Variants in SCFD2 observed in about 807,000 individuals in gnomAD.
SCFD2 encodes the protein sec1 family domain-containing protein 2.
In SCFD2, 54 loss-of-function variants were observed where a neutral mutation model predicts 58.9. The ratio of observed to expected loss-of-function variants is 0.92; its 90% CI spans 0.74 to 1.15. The LOEUF (loss-of-function observed/expected upper bound fraction) is 1.15. SCFD2 is among the 50% of genes most tolerant of loss of function. SCFD2 has a pLI of 0.00. For synonymous variants in SCFD2, 321 were observed against 335.9 expected, an observed-to-expected ratio of 0.96 and a Z score of 0.49; for missense variants, 805 against 836.6, an observed-to-expected ratio of 0.96 and a Z score of 0.47.
rs141559536 is a variant in SCFD2, at chr4:53,358,522, C to G, written c.839-5756G>C. ...GAGCCGAGATGGTGCCATTGCACTC[C>G]AGCCTGGGCAACACAGTGAGACGCT... is the stretch of plus-strand genomic sequence containing the variant. On this transcript the variant is annotated intron_variant, in intron 1 of 8. Transcript: ENST00000401642. Among the ~76,000 whole-genome samples the G allele has an allele frequency of 5.7e-3, 853 of 149,618 alleles. 6 individuals are homozygous for G. The highest frequency in any genetic ancestry group is 0.02 in the African/African-American group (813 of 40,592).
intron 5 of SCFD2, among the ~76,000 whole-genome samples, chr4:53,093,017 G>C (rs1724517921): frequency 6.6e-6 from 1 of 152,124 alleles, no homozygotes; most frequent in African/African-American, 2.4e-5. Context: ...AGTGTCCATG[G>C]CTGGAGTGTG....
chr4:53,300,525 C>A (rs1732241045), intron 3 of SCFD2, among the ~76,000 whole-genome samples: 1 of 152,184 alleles, frequency 6.6e-6, no homozygotes, highest in East Asian at 1.9e-4. Context: ...CCACTGTCCA[C>A]AGTAGACAGA....
intron 3 of SCFD2, among the ~76,000 whole-genome samples, chr4:53,299,979 A>C (rs1272196254): frequency 6.6e-6 from 1 of 152,214 alleles, no homozygotes; most frequent in Non-Finnish European, 1.5e-5. Flanking sequence ...AACTGGTACC[A>C]GCCACTGCAA....
At chr4:53,277,357 G>T (rs1233714164) in intron 3 of SCFD2, among the ~76,000 whole-genome samples, 1 of 152,192 alleles carries the variant, frequency 6.6e-6, no homozygotes, top group African/African-American at 2.4e-5. Flanking sequence ...AGATTGCCAT[G>T]AGCTCCATTT....
At chr4:52,915,602 T>C (rs752611047) in intron 6 of SCFD2, among the ~76,000 whole-genome samples, 6 of 152,296 alleles carry the variant, frequency 3.9e-5, no homozygotes, top group East Asian at 1.9e-4. Flanking sequence ...CATCCATCCA[T>C]CCACCCACCC....
chr4:53,099,504 G>T (rs1313171384), intron 5 of SCFD2, among the ~76,000 whole-genome samples: 1 of 152,152 alleles, frequency 6.6e-6, no homozygotes, highest in Non-Finnish European at 1.5e-5. Context: ...TCAAGGTTCT[G>T]CAGGTTGTAC....
chr4:53,228,795 A>G (rs947364561), intron 4 of SCFD2, among the ~76,000 whole-genome samples: 2 of 152,230 alleles, frequency 1.3e-5, no homozygotes, highest in African/African-American at 4.8e-5. Flanking sequence ...AGAAGGAAAT[A>G]AAGGGCATTC....
At chr4:53,220,296 C>A (rs1004896246) in intron 4 of SCFD2, among the ~76,000 whole-genome samples, 10 of 152,292 alleles carry the variant, frequency 6.6e-5, no homozygotes, top group African/African-American at 2.4e-4. Context: ...AGTTTATAAG[C>A]TCATTATCAT....
At chr4:52,899,574 C>T (rs1719127448) in intron 7 of SCFD2, among the ~76,000 whole-genome samples, 1 of 152,154 alleles carries the variant, frequency 6.6e-6, no homozygotes, top group Non-Finnish European at 1.5e-5. Flanking sequence ...TCTCTGGCTG[C>T]CCTGAACATT....
At chr4:53,238,152 C>G (rs1367469887) in intron 4 of SCFD2, among the ~76,000 whole-genome samples, 4 of 133,028 alleles carry the variant, frequency 3.0e-5, no homozygotes, top group Admixed American at 2.2e-4. Flanking sequence ...CCTCACCTCC[C>G]AGACGGGGTG....
At position 53,247,876 on chromosome 4, in the gene SCFD2, A is replaced by T. The variant is rs2149033346; in HGVS notation, c.1311+25950T>A. ...GAGCGAGACTCCGTCTCAAAAAAAA[A>T]AAAAAAAAAAAAAAAAATAACAAGA... is the stretch of plus-strand genomic sequence containing the variant. On this transcript the variant is annotated intron_variant, in intron 4 of 8. Coordinates refer to ENST00000401642, the MANE Select transcript of SCFD2 (RefSeq NM_152540.4). Among the ~76,000 whole-genome samples the T allele has an allele frequency of 1.3e-5, 2 of 148,220 alleles. 1 individual carries two copies. The highest frequency in any genetic ancestry group is 5.2e-5 in the African/African-American group (2 of 38,804).
At chr4:52,906,654 C>T (rs1719355700) in intron 7 of SCFD2, among the ~76,000 whole-genome samples, 2 of 152,166 alleles carry the variant, frequency 1.3e-5, no homozygotes, top group South Asian at 4.1e-4. Context: ...GGCGTCTGTC[C>T]TCTGGGTTTT....
At chr4:53,126,231 A>G (rs1725623486) in intron 5 of SCFD2, among the ~76,000 whole-genome samples, 1 of 152,226 alleles carries the variant, frequency 6.6e-6, no homozygotes, top group Admixed American at 6.5e-5. Flanking sequence ...TTGTTCTTCC[A>G]TAATAATCGG....
chr4:53,126,385 G>A (rs529235632), intron 5 of SCFD2, among the ~76,000 whole-genome samples: 42 of 152,206 alleles, frequency 2.8e-4, no homozygotes, highest in African/African-American at 8.9e-4. Flanking sequence ...GCGTGATCTC[G>A]GCTCACTGCA....
chr4:53,302,964 A>G (rs1732367759), intron 3 of SCFD2, among the ~76,000 whole-genome samples: 1 of 152,252 alleles, frequency 6.6e-6, no homozygotes, highest in Non-Finnish European at 1.5e-5. Flanking sequence ...GATGGATTAA[A>G]GACTTACATG....
At chr4:52,922,371 G>T (rs541299961) in intron 5 of SCFD2, among the ~76,000 whole-genome samples, 1 of 151,522 alleles carries the variant, frequency 6.6e-6, no homozygotes, top group East Asian at 1.9e-4. Flanking sequence ...CCAGCCCCTG[G>T]CAATCCCTAA....
intron 5 of SCFD2, among the ~76,000 whole-genome samples, chr4:53,007,991 G>A (rs1466156902): frequency 6.6e-6 from 1 of 152,206 alleles, no homozygotes; most frequent in Non-Finnish European, 1.5e-5. Context: ...GAGCAAAAAG[G>A]AGAGGGTTAC....
At chr4:53,106,946 G>A (rs1725020836) in intron 5 of SCFD2, among the ~76,000 whole-genome samples, 1 of 152,078 alleles carries the variant, frequency 6.6e-6, no homozygotes, top group South Asian at 2.1e-4. Flanking sequence ...AAATTGAAAC[G>A]AAGGAAAAAA....
chr4:53,018,123 G>A (rs1394769124), intron 5 of SCFD2, among the ~76,000 whole-genome samples: 6 of 152,118 alleles, frequency 3.9e-5, no homozygotes, highest in Non-Finnish European at 7.4e-5. Flanking sequence ...TTACATTAGA[G>A]CTTTGTTGGT....
Sources: allele counts gnomAD v4.1 joint callset (sites outside exome capture counted in the v4.1 genomes callset), GRCh38; gene constraint gnomAD v4.1.1; transcripts MANE v1.5; gene names NCBI Gene and HGNC (gene_info 2026-07-23, HGNC 2026-07-21).